Variants in NTRK3 observed in about 807,000 individuals in gnomAD.
NTRK3 encodes NT-3 growth factor receptor.
In NTRK3, 24 loss-of-function variants were observed where a neutral mutation model predicts 91.7. That is an observed-to-expected ratio of 0.26 (90% CI 0.19 to 0.37). NTRK3 has a LOEUF of 0.37. NTRK3 is among the 10% of genes least tolerant of loss of function. The probability of loss-of-function intolerance (pLI) is 1.00; values close to 1 mark genes in which losing one functional copy is unlikely to be tolerated. For missense variants in NTRK3, 880 were observed against 1,068.9 expected, an observed-to-expected ratio of 0.82 and a Z score of 2.46; for synonymous variants, 483 against 404.0, an observed-to-expected ratio of 1.20 and a Z score of -2.34.
chr15:88,000,491 T>G (rs553665722), intron 14 of NTRK3, among the ~76,000 whole-genome samples: 1 of 152,208 alleles, frequency 6.6e-6, no homozygotes, highest in African/African-American at 2.4e-5. Flanking sequence ...ATAAACCATA[T>G]CCATTAGCAG....
At chr15:87,909,168 G>T (rs1050072092) in intron 17 of NTRK3, among the ~76,000 whole-genome samples, 2 of 151,992 alleles carry the variant, frequency 1.3e-5, no homozygotes, top group Non-Finnish European at 2.9e-5. Flanking sequence ...TGGAGCCTCA[G>T]CCCTCCTCCT....
chr15:88,070,039 T>C (rs770623585), intron 13 of NTRK3, among the ~76,000 whole-genome samples: 3 of 152,182 alleles, frequency 2.0e-5, no homozygotes, highest in Non-Finnish European at 4.4e-5. Context: ...TCACAGCTGT[T>C]TCTTTTTGCT....
rs577396844 is a variant in NTRK3, at chr15:88,093,849, T to C, written c.1396+32422A>G. Among the ~76,000 whole-genome samples, 8 of 152,272 alleles carry C rather than the reference T, an allele frequency of 5.3e-5. No homozygotes were observed. In the South Asian group the frequency reaches 1.5e-3, roughly 28 times the overall value. On this transcript the variant is annotated intron_variant, in intron 13 of 18. Coordinates refer to ENST00000394480, the Ensembl canonical transcript of NTRK3. The stretch of plus-strand genomic sequence containing the variant: ...GTTGCTATAAAGTTAATATTAATCA[T>C]ATTAGCTTTCTACTTATCTTGTACA...
chr15:88,153,162 G>T (rs2043549708), intron 5 of NTRK3, among the ~76,000 whole-genome samples: 1 of 152,206 alleles, frequency 6.6e-6, no homozygotes. Flanking sequence ...CATCCACAAA[G>T]ACAGCATTTT....
chr15:87,995,595 G>C (rs1443619968), intron 14 of NTRK3, among the ~76,000 whole-genome samples: 1 of 152,172 alleles, frequency 6.6e-6, no homozygotes, highest in African/African-American at 2.4e-5. Flanking sequence ...AGAGTTTTGG[G>C]CAATGGGTGA....
At chr15:87,932,963 G>T (rs372573713) in intron 16 of NTRK3, 49 bp downstream of exon 16, 2 of 1,603,054 alleles carry the variant, frequency 1.2e-6, no homozygotes, top group Non-Finnish European at 8.5e-7. Context: ...AAACCCCAAG[G>T]GTTCGGTGGG....
At chr15:88,053,673 C>A (rs1233957616) in intron 13 of NTRK3, among the ~76,000 whole-genome samples, 3 of 152,136 alleles carry the variant, frequency 2.0e-5, no homozygotes, top group African/African-American at 4.8e-5. Context: ...AATAATAGCA[C>A]CTACTTGACA....
At chr15:88,086,348 A>G (rs537232417) in intron 13 of NTRK3, among the ~76,000 whole-genome samples, 3 of 152,198 alleles carry the variant, frequency 2.0e-5, no homozygotes, top group African/African-American at 4.8e-5. Context: ...CTAAGCTGAG[A>G]TGTGCTGTAA....
At chr15:87,863,583 T>A (rs2064582627) in exon 19 of NTRK3, 1 of 220,198 alleles carries the variant, frequency 4.5e-6, no homozygotes, top group South Asian at 1.9e-4. Flanking sequence ...GCAACCCTAG[T>A]TTTCCTGTGG....
chr15:88,171,868 G>A (rs1031040030), intron 5 of NTRK3, among the ~76,000 whole-genome samples: 1 of 152,254 alleles, frequency 6.6e-6, no homozygotes, highest in African/African-American at 2.4e-5. Context: ...ATTTTACATT[G>A]AGAAAACAGG....
chr15:88,014,803 C>T (rs538485856), intron 14 of NTRK3, among the ~76,000 whole-genome samples: 1 of 152,236 alleles, frequency 6.6e-6, no homozygotes, highest in African/African-American at 2.4e-5. Context: ...CCTCTTCTCA[C>T]CAGCTCCGAG....
At chr15:88,050,777 G>A (rs1039538790) in intron 13 of NTRK3, among the ~76,000 whole-genome samples, 5 of 152,000 alleles carry the variant, frequency 3.3e-5, no homozygotes, top group Non-Finnish European at 5.9e-5. Context: ...AGAAATTGAG[G>A]CTCAGAACTA....
chr15:87,887,592 T>C (rs958366540), intron 17 of NTRK3, among the ~76,000 whole-genome samples: 4 of 152,184 alleles, frequency 2.6e-5, no homozygotes, highest in African/African-American at 9.6e-5. Flanking sequence ...CAAATTTCCT[T>C]ATTTCCCATA....
intron 5 of NTRK3, among the ~76,000 whole-genome samples, chr15:88,156,245 C>A (rs2043888254): frequency 6.6e-6 from 1 of 152,150 alleles, no homozygotes; most frequent in Non-Finnish European, 1.5e-5. Context: ...GAGCTCAGAG[C>A]AGGAAGGAAA....
intron 11 of NTRK3, among the ~76,000 whole-genome samples, chr15:88,127,684 C>T (rs2053436217): frequency 1.3e-5 from 2 of 152,186 alleles, no homozygotes; most frequent in Non-Finnish European, 2.9e-5. Flanking sequence ...TTCCTGTGCC[C>T]TCCCTCTTTC....
intron 13 of NTRK3, among the ~76,000 whole-genome samples, chr15:88,070,028 C>A (rs1326186860): frequency 1.3e-5 from 2 of 152,210 alleles, no homozygotes; most frequent in African/African-American, 4.8e-5. Flanking sequence ...CCAAATCCAT[C>A]TCACAGCTGT....
intron 3 of NTRK3, among the ~76,000 whole-genome samples, chr15:88,212,716 A>T (rs2049366744): frequency 5.4e-4 from 3 of 5,542 alleles, no homozygotes; most frequent in African/African-American, 8.4e-4. Context: ...ACACACACAC[A>T]CACACACACA....
At chr15:88,127,030 C>G (rs1442658363) in intron 12 of NTRK3, 132 bp downstream of exon 12, 1 of 807,184 alleles carries the variant, frequency 1.2e-6, no homozygotes, top group Admixed American at 2.0e-5. Context: ...ACTGCCTGAA[C>G]GTAGTTCAAT....
chr15:88,165,689 T>G (rs2044868175), intron 5 of NTRK3, among the ~76,000 whole-genome samples: 1 of 152,240 alleles, frequency 6.6e-6, no homozygotes, highest in African/African-American at 2.4e-5. Context: ...TGTATTATTA[T>G]AATGATTTGC....
Sources: gnomAD v4.1 joint callset for allele counts (sites outside exome capture counted in the v4.1 genomes callset) on GRCh38, gnomAD v4.1.1 for gene constraint, MANE v1.5 for transcripts, NCBI Gene and HGNC (gene_info 2026-07-23, HGNC 2026-07-21) for gene names.